STIL: variants seen among roughly 807,000 people sequenced by gnomAD.
STIL encodes SCL-interrupting locus protein.
Under a neutral mutation model 110.1 loss-of-function variants are expected in STIL, and 55 were observed. The observed-to-expected ratio is 0.50, with a 90% confidence interval of 0.40 to 0.63. The LOEUF is 0.63. STIL is among the 20% of genes least tolerant of loss of function. STIL has a pLI of 0.00. For synonymous variants in STIL, 481 were observed against 530.0 expected (o/e 0.91, Z 1.27); for missense variants, 1,358 against 1,530.0 (o/e 0.89, Z 1.87).
chr1:47,303,248 T>C (rs17103087), intron 3 of STIL, among the ~76,000 whole-genome samples: 7,036 of 152,242 alleles, frequency 0.046, 525 homozygotes, highest in African/African-American at 0.16. Flanking sequence ...CTCATATATA[T>C]GGTACACCGC....
intron 6 of STIL, 132 bp downstream of exon 6, chr1:47,299,773 C>T: frequency 2.1e-6 from 2 of 969,534 alleles, no homozygotes; most frequent in Non-Finnish European, 3.0e-6. Context: ...TCATTTTTTA[C>T]TTTCCCTGGT....
rs1029322127 is a variant in STIL, at chr1:47,293,522, T to C, written c.808A>G (p.Ile270Val). The part of the protein sequence containing the change: ...VGIWLSGITH[I>V]YSPQVWACCL... ...CAAGCCCATACCTGAGGACTATAGA[T>C]ATGTGTAATTCCAGACAGCCAACTA... Residue 270 changes from isoleucine (I) to valine (V), a missense_variant, in exon 8 of 17, where the codon ATC becomes GTC. By Grantham distance (29) the Ile-to-Val change is conservative. Transcript: ENST00000371877. 6.2e-7 allele frequency: 1 copy of C among 1,613,098 alleles called. No individual in the cohort carries two copies. The highest frequency in any genetic ancestry group is 8.5e-7 in the Non-Finnish European group (1 of 1,179,416).
intron 16 of STIL, among the ~76,000 whole-genome samples, chr1:47,253,825 T>C (rs1204791925): frequency 1.3e-5 from 2 of 152,104 alleles, no homozygotes; most frequent in East Asian, 1.9e-4. Flanking sequence ...ACAACCATTA[T>C]ATATTTTCAT....
chr1:47,265,256 A>AAAC (rs1455147724), intron 14 of STIL, among the ~76,000 whole-genome samples: 1 of 150,880 alleles, frequency 6.6e-6, no homozygotes, highest in African/African-American at 2.4e-5. Context: ...AAAAAAAAAA[A>AAAC]AAAACACAAG....
rs985147238 is a variant in STIL, at chr1:47,314,094, G to C, written c.-102C>G. 1 of 152,408 alleles carries C rather than the reference G, an allele frequency of 6.6e-6. No homozygotes were observed. The highest frequency in any genetic ancestry group is 1.9e-4 in the East Asian group (1 of 5,186). 9.4% of individuals were successfully genotyped at this position (152,408 alleles called of 1,614,324 possible). On this transcript the variant is annotated 5_prime_UTR_variant, in exon 1 of 17. Coordinates refer to ENST00000371877, the MANE Select transcript of STIL (RefSeq NM_001048166.1). The stretch of plus-strand genomic sequence containing the variant: ...GGTAGGAGCGGGAGCCGGCTCCAAG[G>C]AGCGCCACCGCCGACTCCGGCCCCG...
At chr1:47,299,834 T>C (rs1270192985) in intron 6 of STIL, 71 bp downstream of exon 6, 1 of 1,503,668 alleles carries the variant, frequency 6.7e-7, no homozygotes, top group Non-Finnish European at 9.1e-7. Flanking sequence ...GGACAATTCT[T>C]TCACATTACA....
intron 3 of STIL, among the ~76,000 whole-genome samples, chr1:47,303,435 C>T (rs1645864890): frequency 6.6e-6 from 1 of 152,106 alleles, no homozygotes; most frequent in Non-Finnish European, 1.5e-5. Flanking sequence ...CGTGGTGGCA[C>T]ATGTCTGTAA....
chr1:47,310,967 C>T (rs1039875583), intron 1 of STIL, among the ~76,000 whole-genome samples: 1 of 152,108 alleles, frequency 6.6e-6, no homozygotes, highest in Non-Finnish European at 1.5e-5. Context: ...CCTGCCTCAG[C>T]CTCCTGAGTA....
chr1:47,278,813 A>G (rs1645063501), intron 12 of STIL, among the ~76,000 whole-genome samples: 1 of 151,980 alleles, frequency 6.6e-6, no homozygotes, highest in Non-Finnish European at 1.5e-5. Context: ...AAAAAAAAGT[A>G]AAAATTTTAA....
chr1:47,302,640 G>A (rs1645839269), intron 3 of STIL, among the ~76,000 whole-genome samples: 1 of 152,080 alleles, frequency 6.6e-6, no homozygotes, highest in African/African-American at 2.4e-5. Flanking sequence ...AGTCACATCT[G>A]TTTCTTTACA....
At chr1:47,289,938 C>CAAAAA (rs59432279) in intron 8 of STIL, among the ~76,000 whole-genome samples, 2 of 104,060 alleles carry the variant, frequency 1.9e-5, no homozygotes, top group African/African-American at 6.9e-5. Context: ...ACTCCGTCTC[C>CAAAAA]AAAAAAAAAA....
rs189067492 is a variant in STIL, at chr1:47,279,245, T to C, written c.2217+996A>G. ...TTGCAGTGAGCCGAGATCGTGGCAC[T>C]GCACTCCAGCCTGGGCGACAGAGAA... On this transcript the variant is annotated intron_variant, in intron 12 of 16. Coordinates refer to ENST00000371877, the MANE Select transcript of STIL (RefSeq NM_001048166.1). Among the ~76,000 whole-genome samples the C allele has an allele frequency of 1.9e-3, 270 of 144,628 alleles. 2 individuals carry two copies. Among genetic ancestry groups the C allele is most frequent in the African/African-American group, 6.8e-3 (259 of 38,302 alleles). 94.9% of individuals were successfully genotyped at this position (144,628 alleles called of 152,430 possible).
At chr1:47,273,849 A>G (rs1336430699) in intron 12 of STIL, among the ~76,000 whole-genome samples, 1 of 152,208 alleles carries the variant, frequency 6.6e-6, no homozygotes. Context: ...TCAATTATTA[A>G]GGTCAGTAGA....
rs746968210 is a variant in STIL, at chr1:47,280,817, T to A, written c.1641A>T (p.Gln547His). The A allele has an allele frequency of 2.5e-6, 4 of 1,614,206 alleles. No individual in the cohort carries two copies. Among genetic ancestry groups the A allele is most frequent in the Non-Finnish European group, 3.4e-6 (4 of 1,180,034 alleles). Residue 547 changes from glutamine (Q) to histidine (H), a missense_variant, in exon 12 of 17, where the codon CAA (glutamine) becomes CAT (histidine). Gln to His is a conservative substitution (Grantham distance 24, BLOSUM62 0). Transcript: ENST00000371877. ...AGGGTCTTATAGGATACTCTTCGTT[T>A]TGTACATTTCCAGCAGAAACTGTTT... ...KLQTVSAGNV[Q>H]NEEYPIRPST... is the part of the protein sequence containing the mutation.
intron 15 of STIL, 110 bp downstream of exon 15, chr1:47,262,793 A>T (rs1179129825): frequency 1.4e-5 from 14 of 986,640 alleles, no homozygotes; most frequent in Non-Finnish European, 2.0e-5. Flanking sequence ...TTAGACAAAA[A>T]ATCTTTTTAT....
intron 16 of STIL, among the ~76,000 whole-genome samples, chr1:47,256,394 T>C (rs1644327416): frequency 6.8e-6 from 1 of 147,290 alleles, no homozygotes; most frequent in Non-Finnish European, 1.5e-5. Flanking sequence ...AGGCCGAGAC[T>C]GGCAGATCAC....
intron 5 of STIL, 52 bp downstream of exon 5, chr1:47,301,505 TAAAC>T: frequency 6.7e-7 from 1 of 1,494,306 alleles, no homozygotes; most frequent in East Asian, 2.3e-5. Flanking sequence ...TACAGCATAC[TAAAC>T]ATAGTTTGAT....
chr1:47,273,135 A>G (rs1368847337), intron 12 of STIL, among the ~76,000 whole-genome samples: 2 of 152,252 alleles, frequency 1.3e-5, no homozygotes, highest in African/African-American at 4.8e-5. Flanking sequence ...TGTATAGGAC[A>G]TATAACTAAC....
chr1:47,275,498 C>T (rs1028099202), intron 12 of STIL, among the ~76,000 whole-genome samples: 27 of 152,014 alleles, frequency 1.8e-4, no homozygotes, highest in Non-Finnish European at 3.4e-4. Context: ...GTCCCAGCTA[C>T]TCAGGAGGCT....
Sources: gnomAD v4.1 joint callset for allele counts (sites outside exome capture counted in the v4.1 genomes callset) on GRCh38, gnomAD v4.1.1 for gene constraint, MANE v1.5 for transcripts, NCBI Gene and HGNC (gene_info 2026-07-23, HGNC 2026-07-21) for gene names.